The following ATL2 variants were observed in gnomAD, a reference collection of about 807,000 sequenced individuals.
ATL2 encodes atlastin-2.
ATL2 carries 31 observed loss-of-function variants against 73.9 expected under a neutral mutation model. The ratio of observed to expected loss-of-function variants is 0.42; its 90% CI spans 0.32 to 0.57. ATL2 has a LOEUF of 0.57. Ranked by LOEUF, ATL2 falls within the 20% of genes least tolerant of loss-of-function variation. ATL2 has a pLI of 0.14. For missense variants in ATL2, 738 were observed against 702.6 expected (o/e 1.05, Z -0.57); for synonymous variants, 291 against 237.5 (o/e 1.23, Z -2.07).
At chr2:38,299,206 A>C in intron 11 of ATL2, 50 bp downstream of exon 11, 2 of 1,435,988 alleles carry the variant, frequency 1.4e-6, no homozygotes, top group South Asian at 3.2e-5. Context: ...TTTTTTTTTA[A>C]TTTAAAAATC....
chr2:38,325,655 C>CT (rs1668569454), intron 2 of ATL2, among the ~76,000 whole-genome samples: 2 of 70,000 alleles, frequency 2.9e-5, no homozygotes, highest in African/African-American at 9.5e-5. Flanking sequence ...CACACACACA[C>CT]ACCAGTACAC....
intron 1 of ATL2, among the ~76,000 whole-genome samples, chr2:38,357,956 C>T (rs762430190): frequency 9.2e-5 from 14 of 152,158 alleles, no homozygotes; most frequent in Non-Finnish European, 1.9e-4. Context: ...AAGGCCAGGT[C>T]TTATTTAGTG....
chr2:38,341,874 T>A (rs1323612334), intron 2 of ATL2, among the ~76,000 whole-genome samples: 2 of 152,172 alleles, frequency 1.3e-5, no homozygotes, highest in African/African-American at 4.8e-5. Context: ...CAATTACAAA[T>A]GTCACAGAAC....
chr2:38,340,346 T>C (rs971640105), intron 2 of ATL2, among the ~76,000 whole-genome samples: 2 of 151,744 alleles, frequency 1.3e-5, no homozygotes, highest in African/African-American at 4.8e-5. Flanking sequence ...AGGAAAAAAA[T>C]TTTTAAGGAA....
intron 1 of ATL2, among the ~76,000 whole-genome samples, chr2:38,361,762 G>A (rs925538183): frequency 3.9e-5 from 6 of 152,106 alleles, no homozygotes; most frequent in African/African-American, 1.4e-4. Context: ...TCCACAGACA[G>A]GCAAGAAAAC....
rs532195050 is a variant in ATL2, at chr2:38,306,299, G to A, written c.1071+3080C>T. On this transcript the variant is annotated intron_variant, in intron 9 of 12. Transcript: ENST00000378954. ...CCCGAAAGCTAATGGCTTCATTGCT[G>A]AATTTTATCAAACATTTAAAGAACT... 1.4e-4 allele frequency among the ~76,000 whole-genome samples: 21 copies of A among 152,298 alleles called. No homozygotes were observed. In the South Asian group the frequency reaches 4.1e-3, roughly 30 times the overall value.
chr2:38,308,893 G>C (rs942623520), intron 9 of ATL2, among the ~76,000 whole-genome samples: 1 of 151,636 alleles, frequency 6.6e-6, no homozygotes, highest in African/African-American at 2.4e-5. Flanking sequence ...CTTCCACAGC[G>C]GTCTTGTTCT....
intron 1 of ATL2, among the ~76,000 whole-genome samples, chr2:38,346,966 C>A (rs1490189919): frequency 2.6e-5 from 4 of 152,202 alleles, no homozygotes; most frequent in Non-Finnish European, 4.4e-5. Context: ...CTCCTTAAAT[C>A]TCAGCTTAAA....
intron 2 of ATL2, among the ~76,000 whole-genome samples, chr2:38,330,578 T>C (rs1050142102): frequency 3.3e-5 from 5 of 152,192 alleles, no homozygotes; most frequent in East Asian, 1.9e-4. Flanking sequence ...ACAAGATCAA[T>C]ATGCAAGTCA....
At chr2:38,305,911 A>C (rs1011631837) in intron 9 of ATL2, among the ~76,000 whole-genome samples, 1 of 152,180 alleles carries the variant, frequency 6.6e-6, no homozygotes, top group Non-Finnish European at 1.5e-5. Context: ...AATTAGAAGA[A>C]GTTAGCGAAA....
intron 9 of ATL2, among the ~76,000 whole-genome samples, chr2:38,300,988 G>A (rs866881698): frequency 8.5e-6 from 1 of 117,816 alleles, no homozygotes; most frequent in Non-Finnish European, 1.6e-5. Context: ...TTTTTTTTTT[G>A]AGAAGGAATT....
chr2:38,368,127 G>C (rs1417871909), intron 1 of ATL2, among the ~76,000 whole-genome samples: 3 of 151,284 alleles, frequency 2.0e-5, no homozygotes, highest in Non-Finnish European at 2.9e-5. Context: ...GTAGAGATGG[G>C]GTTTCACTGT....
chr2:38,320,380 C>A (rs1485578121), intron 2 of ATL2, among the ~76,000 whole-genome samples: 2 of 151,994 alleles, frequency 1.3e-5, no homozygotes, highest in Non-Finnish European at 2.9e-5. Flanking sequence ...TTAAAATATT[C>A]CGGGAGGTAA....
In ATL2 at chr2:38,294,279, T is replaced by C. The variant is rs929448514; in HGVS notation, c.*1715A>G. 1.3e-5 allele frequency among the ~76,000 whole-genome samples: 2 copies of C among 152,222 alleles called. No homozygotes were observed. The highest frequency in any genetic ancestry group is 2.9e-5 in the Non-Finnish European group (2 of 68,036). ...AAAGCAAACTAAGGGCCGGGCGCGG[T>C]GGCTCACGCCTGTAATCCCAACACT... is the stretch of plus-strand genomic sequence containing the variant. On this transcript the variant is annotated 3_prime_UTR_variant, in exon 13 of 13. Transcript: ENST00000378954.
At chr2:38,377,049 C>G (rs1197973728) in intron 1 of ATL2, 94 bp downstream of exon 1, 11 of 1,242,188 alleles carry the variant, frequency 8.9e-6, no homozygotes, top group Non-Finnish European at 1.1e-5. Context: ...GCCGCGGACT[C>G]CGACCCCGCC....
chr2:38,310,407 T>G lies in ATL2; in HGVS notation c.845A>C (p.Lys282Thr), dbSNP rs772405223. 4 of 1,610,830 alleles carry G rather than the reference T, an allele frequency of 2.5e-6. No homozygotes were observed. The highest frequency in any genetic ancestry group is 1.7e-6 in the Non-Finnish European group (2 of 1,178,724). The change falls in exon 8 of 13, where the codon AAG becomes ACG. Residue 282 changes from lysine to threonine, a missense_variant. Physicochemically the swap from Lys to Thr is moderately conservative, Grantham distance 78. Transcript: ENST00000378954. ...NQHEELQNVR[K>T]HIHNCFSNLG... Reference sequence around the variant, plus strand: ...ATTTGAGAAACAATTGTGTATGTGCTTCCTTACATTCTGAAGCTCTTCATG... The same window carrying G: ...ATTTGAGAAACAATTGTGTATGTGCGTCCTTACATTCTGAAGCTCTTCATG...
intron 1 of ATL2, among the ~76,000 whole-genome samples, chr2:38,369,979 G>A (rs1264862543): frequency 2.7e-5 from 4 of 149,172 alleles, no homozygotes; most frequent in South Asian, 2.1e-4. Flanking sequence ...GTGAAACCCC[G>A]TCTCTACTAA....
intron 2 of ATL2, among the ~76,000 whole-genome samples, chr2:38,337,487 A>C (rs1270917): frequency 1.5e-4 from 6 of 38,988 alleles, no homozygotes; most frequent in East Asian, 1.0e-3. Context: ...CTCTGTCTCC[A>C]AAAAAAAAAA....
intron 9 of ATL2, among the ~76,000 whole-genome samples, chr2:38,307,468 C>T (rs1647251595): frequency 6.6e-6 from 1 of 151,400 alleles, no homozygotes; most frequent in Admixed American, 6.6e-5. Context: ...CACTGCAGTC[C>T]AGCCTGGGTG....
Sources: allele counts gnomAD v4.1 joint callset (sites outside exome capture counted in the v4.1 genomes callset), GRCh38; gene constraint gnomAD v4.1.1; transcripts MANE v1.5; gene names NCBI Gene and HGNC (gene_info 2026-07-23, HGNC 2026-07-21).